Variants in ZNF385D observed in about 807,000 individuals in gnomAD.
ZNF385D encodes zinc finger protein 659.
ZNF385D carries 15 observed loss-of-function variants against 35.8 expected under a neutral mutation model. That is an observed-to-expected ratio of 0.42 (90% CI 0.28 to 0.64). The LOEUF (loss-of-function observed/expected upper bound fraction) is 0.64, where lower values mean the gene tolerates loss of function less well. ZNF385D is among the 30% of genes least tolerant of loss of function. The probability of loss-of-function intolerance (pLI) is 0.23; values close to 1 mark genes in which losing one functional copy is unlikely to be tolerated. For missense variants in ZNF385D, 474 were observed against 494.6 expected (o/e 0.96, Z 0.39); for synonymous variants, 212 against 186.8 (o/e 1.13, Z -1.10).
Position 21,740,971 on chromosome 3 carries a change from G to A in ZNF385D, c.22+9924C>T, listed in dbSNP as rs185216479. Among the ~76,000 whole-genome samples the A allele has an allele frequency of 9.5e-4, 145 of 152,236 alleles. 1 individual carries two copies. Among genetic ancestry groups the A allele is most frequent in the Non-Finnish European group, 2.9e-5 (2 of 68,018 alleles). On this transcript the variant is annotated intron_variant, in intron 1 of 7. Transcript: ENST00000281523. ...TCAAAGTTCCCCAGGTGATTCTTTT[G>A]TACAGCCAGGGTTTAGATCCACTGA...
rs866849702 is a variant in ZNF385D, at chr3:21,481,362, C to T, written c.439+29499G>A. Reference sequence around the variant, plus strand: ...CTCTACACTATGGTCCCTTGTGGAGCTTGGTGAGAACCCAAGGGTCAACAG... The same window carrying T: ...CTCTACACTATGGTCCCTTGTGGAGTTTGGTGAGAACCCAAGGGTCAACAG... On this transcript the variant is annotated intron_variant, in intron 4 of 7. Transcript: ENST00000281523. 5.9e-5 allele frequency among the ~76,000 whole-genome samples: 9 copies of T among 152,268 alleles called. No homozygotes were observed. In the South Asian group the frequency reaches 8.3e-4, roughly 14 times the overall value.
intron 3 of ZNF385D, among the ~76,000 whole-genome samples, chr3:21,829,862 G>A (rs996613273): frequency 2.0e-5 from 3 of 152,066 alleles, no homozygotes; most frequent in African/African-American, 4.8e-5. Flanking sequence ...TGGGGCTTAC[G>A]CCTGTCATCT....
At chr3:22,150,816 G>A (rs79393758) in intron 3 of ZNF385D, among the ~76,000 whole-genome samples, 1,750 of 152,212 alleles carry the variant, frequency 0.011, 14 homozygotes, top group South Asian at 0.022. Flanking sequence ...TGAAAATGCA[G>A]ACCCATATAA....
In ZNF385D at chr3:21,417,202, C is replaced by T. The variant is rs1303443658; in HGVS notation, c.*4012G>A. On this transcript the variant is annotated 3_prime_UTR_variant, in exon 8 of 8. Transcript: ENST00000281523. ...GTCACTCGAATAAAGAATTTTTATTCCTGAGAGGATAAAAGCAATGCCCCT... is the reference window on the plus strand; with the variant it reads ...GTCACTCGAATAAAGAATTTTTATTTCTGAGAGGATAAAAGCAATGCCCCT... 4 of 151,986 alleles carry T rather than the reference C, an allele frequency of 2.6e-5. No homozygotes were observed. Among genetic ancestry groups the T allele is most frequent in the African/African-American group, 9.7e-5 (4 of 41,384 alleles). The allele number at this position is 151,986 out of a possible 1,614,324, so 9.4% of individuals were successfully genotyped here.
intron 2 of ZNF385D, among the ~76,000 whole-genome samples, chr3:21,623,690 C>A (rs959600877): frequency 5.9e-5 from 9 of 151,986 alleles, no homozygotes; most frequent in Non-Finnish European, 1.2e-4. Flanking sequence ...CAAAAAACCA[C>A]AATGTCTTTG....
At chr3:22,161,500 T>A (rs553149793) in intron 3 of ZNF385D, among the ~76,000 whole-genome samples, 1 of 152,196 alleles carries the variant, frequency 6.6e-6, no homozygotes, top group African/African-American at 2.4e-5. Context: ...GTCTGTATTG[T>A]TTCCTAGATC....
intron 3 of ZNF385D, among the ~76,000 whole-genome samples, chr3:21,864,408 T>G: frequency 6.6e-6 from 1 of 152,144 alleles, no homozygotes; most frequent in East Asian, 1.9e-4. Context: ...ACTATTTGCC[T>G]TGCCTCTCTT....
chr3:22,213,664 T>C (rs879424251), intron 2 of ZNF385D, among the ~76,000 whole-genome samples: 2 of 152,134 alleles, frequency 1.3e-5, no homozygotes, highest in South Asian at 4.1e-4. Context: ...GTCAGTGATG[T>C]TGGCATATTG....
chr3:22,083,100 G>A (rs1374264998), intron 3 of ZNF385D, among the ~76,000 whole-genome samples: 3 of 152,158 alleles, frequency 2.0e-5, no homozygotes, highest in Non-Finnish European at 4.4e-5. Context: ...ACCAAAGGTA[G>A]ATAAAACCAC....
intron 2 of ZNF385D, among the ~76,000 whole-genome samples, chr3:21,589,049 C>CAAT (rs1290830960): frequency 6.6e-6 from 1 of 151,750 alleles, no homozygotes; most frequent in Non-Finnish European, 1.5e-5. Flanking sequence ...GAGAGAGACA[C>CAAT]AATAAGATAA....
intron 3 of ZNF385D, among the ~76,000 whole-genome samples, chr3:21,867,093 G>C (rs911395788): frequency 1.3e-5 from 2 of 152,184 alleles, no homozygotes; most frequent in Admixed American, 6.6e-5. Context: ...TGTCTAGTGA[G>C]GGCCTTGCTG....
At chr3:21,992,928 T>G (rs186210435) in intron 3 of ZNF385D, among the ~76,000 whole-genome samples, 1 of 152,314 alleles carries the variant, frequency 6.6e-6, no homozygotes, top group African/African-American at 2.4e-5. Flanking sequence ...CTAATGGATT[T>G]TAACATTTCT....
Position 22,111,152 on chromosome 3 carries a change from ATT to A in ZNF385D, c.325+57663_325+57664del, listed in dbSNP as rs61708178. On this transcript the variant is annotated intron_variant, in intron 3 of 5. Coordinates refer to the ZNF385D transcript ENST00000494108. ...GTAACATATTGAGGCTCCATGTTGG[ATT>A]TTTTTTTTTTTTTTTTTTTTTTGTT... Among the ~76,000 whole-genome samples the A allele has an allele frequency of 7.5e-3, 515 of 68,992 alleles. 1 individual carries two copies. The highest frequency in any genetic ancestry group is 0.036 in the East Asian group (96 of 2,704). 45.3% of individuals were successfully genotyped at this position (68,992 alleles called of 152,430 possible). A position where few individuals can be genotyped will look rare whatever the true frequency, so the allele number is the denominator to read the frequency against.
Position 21,750,905 on chromosome 3 carries a change from T to C in ZNF385D, c.12A>G (p.Ile4Met). 1.2e-6 allele frequency: 2 copies of C among 1,614,116 alleles called. No individual in the cohort carries two copies. The highest frequency in any genetic ancestry group is 1.7e-6 in the Non-Finnish European group (2 of 1,180,010). ...AGAGTGAACACTCACCAAAATACAT[T>C]ATGTTTCTCATTAATCAGACAGCTG... MRNIMYFGGTCQSP... is the reference protein window; with the variant it reads MRNMMYFGGTCQSP... The change falls in exon 1 of 8, where the codon ATA becomes ATG. Residue 4 changes from isoleucine (I) to methionine (M), a missense_variant. Ile to Met is a conservative substitution (Grantham distance 10). Transcript: ENST00000281523.
At chr3:21,955,469 G>A (rs988028399) in intron 3 of ZNF385D, among the ~76,000 whole-genome samples, 1 of 152,038 alleles carries the variant, frequency 6.6e-6, no homozygotes, top group South Asian at 2.1e-4. Context: ...ACCTAAACAG[G>A]GAGGTGATTT....
At chr3:21,765,863 T>G (rs982134060) in intron 3 of ZNF385D, among the ~76,000 whole-genome samples, 6 of 152,122 alleles carry the variant, frequency 3.9e-5, no homozygotes, top group Non-Finnish European at 7.4e-5. Flanking sequence ...AATTATCTCG[T>G]GTTTTCCCTG....
intron 3 of ZNF385D, among the ~76,000 whole-genome samples, chr3:21,804,372 G>A (rs1362935223): frequency 9.9e-5 from 15 of 152,152 alleles, no homozygotes; most frequent in Non-Finnish European, 1.0e-4. Flanking sequence ...CAGGGGTGGT[G>A]GTAGCAGTTA....
At chr3:22,151,899 A>G (rs1705263568) in intron 3 of ZNF385D, among the ~76,000 whole-genome samples, 1 of 152,144 alleles carries the variant, frequency 6.6e-6, no homozygotes, top group South Asian at 2.1e-4. Context: ...TGCAGGTTAT[A>G]TAGGTAAACT....
chr3:22,002,215 C>T (rs1156787131), intron 3 of ZNF385D, among the ~76,000 whole-genome samples: 1 of 150,596 alleles, frequency 6.6e-6, no homozygotes, highest in Admixed American at 6.6e-5. Context: ...TAACCAATAC[C>T]AAAAAAGACC....
Sources: gnomAD v4.1 joint callset for allele counts (sites outside exome capture counted in the v4.1 genomes callset) on GRCh38, gnomAD v4.1.1 for gene constraint, MANE v1.5 for transcripts, NCBI Gene and HGNC (gene_info 2026-07-23, HGNC 2026-07-21) for gene names.